PARN: variants seen among roughly 807,000 people sequenced by gnomAD.
PARN encodes the protein poly(A)-specific ribonuclease.
A neutral mutation model predicts 102.8 loss-of-function variants in PARN; 71 were observed. The ratio of observed to expected loss-of-function variants is 0.69; its 90% CI spans 0.57 to 0.84. The LOEUF is 0.84. Ranked by LOEUF, PARN falls within the 40% of genes least tolerant of loss-of-function variation. The probability of loss-of-function intolerance (pLI) is 0.00; values close to 1 mark genes in which losing one functional copy is unlikely to be tolerated. For missense variants in PARN, 782 were observed against 760.9 expected, an observed-to-expected ratio of 1.03 and a Z score of -0.33; for synonymous variants, 261 against 252.9, an observed-to-expected ratio of 1.03 and a Z score of -0.30.
At chr16:14,474,518 C>T (rs761912674) in intron 22 of PARN, among the ~76,000 whole-genome samples, 8 of 152,162 alleles carry the variant, frequency 5.3e-5, no homozygotes, top group Non-Finnish European at 1.0e-4. Context: ...CCATGTCATG[C>T]CCTACACACT....
intron 21 of PARN, among the ~76,000 whole-genome samples, chr16:14,541,247 G>A (rs567488489): frequency 6.7e-6 from 1 of 149,562 alleles, no homozygotes; most frequent in African/African-American, 2.4e-5. Flanking sequence ...GGGCAAACAG[G>A]GGCAATAGAG....
chr16:14,582,831 A>G (rs566126283), intron 16 of PARN, among the ~76,000 whole-genome samples: 1 of 152,086 alleles, frequency 6.6e-6, no homozygotes, highest in Non-Finnish European at 1.5e-5. Context: ...CCTTCTTCAA[A>G]AGGTTATTGT....
chr16:14,586,491 A>C, intron 13 of PARN, 130 bp from the exon 14 acceptor site: 1 of 585,754 alleles, frequency 1.7e-6, no homozygotes, highest in Non-Finnish European at 3.1e-6. Context: ...TAAACTACAA[A>C]ACCCATTTCT....
intron 22 of PARN, 21 bp downstream of exon 22, chr16:14,482,617 T>C (rs772367893): frequency 1.3e-6 from 2 of 1,547,088 alleles, no homozygotes; most frequent in Non-Finnish European, 1.7e-6. Flanking sequence ...GCCTTTTAAA[T>C]TAACAGCTGA....
At chr16:14,582,944 CAA>C (rs1319867044) in intron 16 of PARN, among the ~76,000 whole-genome samples, 1 of 151,974 alleles carries the variant, frequency 6.6e-6, no homozygotes, top group Non-Finnish European at 1.5e-5. Flanking sequence ...AACCCTCCCC[CAA>C]AAAAAGAGAA....
intron 18 of PARN, among the ~76,000 whole-genome samples, chr16:14,560,820 G>C (rs1242987482): frequency 6.6e-6 from 1 of 152,136 alleles, no homozygotes; most frequent in African/African-American, 2.4e-5. Flanking sequence ...CCATGTGCTG[G>C]GTGGCACTCA....
intron 21 of PARN, among the ~76,000 whole-genome samples, chr16:14,528,233 C>T (rs1486294994): frequency 3.9e-5 from 6 of 152,186 alleles, no homozygotes; most frequent in Admixed American, 3.3e-4. Context: ...AAAAGTTAAC[C>T]TCTGTAACAG....
intron 5 of PARN, among the ~76,000 whole-genome samples, chr16:14,626,053 C>T (rs1237895993): frequency 6.6e-6 from 1 of 152,200 alleles, no homozygotes; most frequent in Admixed American, 6.5e-5. Context: ...TGAAGGAGAA[C>T]CTCCCTAATA....
At chr16:14,469,048 A>T (rs1395610060) in intron 22 of PARN, among the ~76,000 whole-genome samples, 1 of 152,208 alleles carries the variant, frequency 6.6e-6, no homozygotes, top group African/African-American at 2.4e-5. Flanking sequence ...CTGTAATCCC[A>T]GCACTTTGGG....
chr16:14,616,644 T>C (rs1021013454), intron 6 of PARN, among the ~76,000 whole-genome samples: 1 of 150,710 alleles, frequency 6.6e-6, no homozygotes, highest in Non-Finnish European at 1.5e-5. Flanking sequence ...CTTGGGAGGG[T>C]GAGGTGGGAG....
chr16:14,438,443 G>T (rs539602393), intron 23 of PARN, among the ~76,000 whole-genome samples: 3 of 143,792 alleles, frequency 2.1e-5, no homozygotes, highest in Non-Finnish European at 4.6e-5. Flanking sequence ...CCATTAGTTG[G>T]GGGGGGGGGT....
At chr16:14,593,441 T>C in intron 12 of PARN, 63 bp from the exon 13 acceptor site, 5 of 722,210 alleles carry the variant, frequency 6.9e-6, no homozygotes, top group Non-Finnish European at 1.2e-5. Flanking sequence ...GGTTTCAGAA[T>C]GTATAGTTCA....
chr16:14,604,033 G>A, intron 11 of PARN, 113 bp downstream of exon 11: 2 of 759,788 alleles, frequency 2.6e-6, no homozygotes, highest in South Asian at 3.2e-5. Context: ...ATTGTTCTAT[G>A]AAAGAAAACT....
rs59011829 is a variant in PARN at position 14,468,878 on chromosome 16, AATAGATAGATAG to A, written c.1670+13748_1670+13759del. On this transcript the variant is annotated intron_variant, in intron 22 of 23. Coordinates refer to ENST00000437198, the MANE Select transcript of PARN (RefSeq NM_002582.4). ...GCAACACAGCAAGATCCCATTACTA[AATAGATAGATAG>A]ATAGATAGATAGATAGATAGATAGA... 4.9e-3 allele frequency among the ~76,000 whole-genome samples: 691 copies of A among 139,710 alleles called. 6 individuals are homozygous for A. The highest frequency in any genetic ancestry group is 0.027 in the South Asian group (112 of 4,176). The allele number at this position is 139,710 out of a possible 152,430, so 91.7% of individuals were successfully genotyped here. A position where few individuals can be genotyped will look rare whatever the true frequency, so the allele number is the denominator to read the frequency against.
At chr16:14,589,492 G>A (rs1477149989) in intron 13 of PARN, among the ~76,000 whole-genome samples, 2 of 151,810 alleles carry the variant, frequency 1.3e-5, no homozygotes, top group Admixed American at 1.3e-4. Context: ...TTGAGCCCAG[G>A]GAGTTGAGGC....
At chr16:14,530,980 C>T (rs1427979508) in intron 21 of PARN, among the ~76,000 whole-genome samples, 1 of 148,930 alleles carries the variant, frequency 6.7e-6, no homozygotes, top group Non-Finnish European at 1.5e-5. Context: ...TTCATTCATC[C>T]ATCCATCCAT....
intron 18 of PARN, among the ~76,000 whole-genome samples, chr16:14,555,977 G>C (rs2151711496): frequency 6.6e-6 from 1 of 151,720 alleles, no homozygotes; most frequent in Middle Eastern, 3.4e-3. Context: ...TGGTTCTTCT[G>C]CCTCAGCCTC....
intron 12 of PARN, among the ~76,000 whole-genome samples, chr16:14,597,250 C>G (rs1178420089): frequency 6.6e-6 from 1 of 152,164 alleles, no homozygotes; most frequent in Non-Finnish European, 1.5e-5. Flanking sequence ...TTTTCATGGT[C>G]TCAAAGTATC....
intron 21 of PARN, among the ~76,000 whole-genome samples, chr16:14,540,969 A>G (rs1196697256): frequency 6.6e-6 from 1 of 152,044 alleles, no homozygotes; most frequent in Non-Finnish European, 1.5e-5. Context: ...AAACAAAAAA[A>G]TAGATGCCAT....
Sources: gnomAD v4.1 joint callset for allele counts (sites outside exome capture counted in the v4.1 genomes callset) on GRCh38, gnomAD v4.1.1 for gene constraint, MANE v1.5 for transcripts, NCBI Gene and HGNC (gene_info 2026-07-23, HGNC 2026-07-21) for gene names.